The following DIAPH2 variants were observed in gnomAD, a reference collection of about 807,000 sequenced individuals.
The protein encoded by DIAPH2 is protein diaphanous homolog 2.
Under a neutral mutation model 92.7 loss-of-function variants are expected in DIAPH2, and 35 were observed. The ratio of observed to expected loss-of-function variants is 0.38; its 90% CI spans 0.29 to 0.50. DIAPH2 has a LOEUF of 0.50. Ranked by LOEUF, DIAPH2 falls within the 20% of genes least tolerant of loss-of-function variation. The pLI, the probability that DIAPH2 is intolerant of heterozygous loss-of-function variation, is 0.94. For synonymous variants in DIAPH2, 301 were observed against 280.4 expected (o/e 1.07, Z -0.73); for missense variants, 701 against 819.5 (o/e 0.86, Z 1.77).
At chrX:97,248,766 T>C (rs757090097) in intron 23 of DIAPH2, among the ~76,000 whole-genome samples, 4 of 112,096 alleles carry the variant, frequency 3.6e-5, no homozygotes, top group Non-Finnish European at 5.6e-5. Flanking sequence ...CTTTTTCTTC[T>C]GTGATATGCT....
chrX:97,227,329 T>C (rs2067973262), intron 22 of DIAPH2, among the ~76,000 whole-genome samples: 1 of 111,685 alleles, frequency 9.0e-6, no homozygotes, highest in Non-Finnish European at 1.9e-5. Context: ...TATGTGAATA[T>C]TATAAGGATA....
intron 20 of DIAPH2, among the ~76,000 whole-genome samples, chrX:97,112,671 A>T (rs1216733966): frequency 9.3e-6 from 1 of 107,216 alleles, no homozygotes; most frequent in African/African-American, 3.4e-5. Flanking sequence ...TACCTAGCCT[A>T]TAAACCTTTT....
At chrX:96,688,251 A>G (rs1227151352) in intron 1 of DIAPH2, among the ~76,000 whole-genome samples, 1 of 112,856 alleles carries the variant, frequency 8.9e-6, no homozygotes, top group African/African-American at 3.2e-5. Flanking sequence ...TTCTTCAAAC[A>G]GTAAAGTCAA....
At chrX:97,456,592 A>G (rs1480710567) in intron 26 of DIAPH2, among the ~76,000 whole-genome samples, 3 of 111,480 alleles carry the variant, frequency 2.7e-5, no homozygotes, top group African/African-American at 6.5e-5. Flanking sequence ...CTATTTGGCT[A>G]TTGGGACTGT....
At chrX:96,747,206 A>T (rs1301489668) in intron 3 of DIAPH2, among the ~76,000 whole-genome samples, 1 of 111,755 alleles carries the variant, frequency 8.9e-6, no homozygotes, top group Non-Finnish European at 1.9e-5. Flanking sequence ...AAGTAAACCC[A>T]TAGAAATTTC....
intron 4 of DIAPH2, among the ~76,000 whole-genome samples, chrX:96,817,515 G>A (rs994030406): frequency 9.0e-6 from 1 of 111,442 alleles, no homozygotes; most frequent in African/African-American, 3.3e-5. Flanking sequence ...ATATATTGGA[G>A]GCTATTTTCT....
rs185245242 is a variant in DIAPH2, at chrX:97,204,625, G to A, written c.2720-43090G>A. The stretch of plus-strand genomic sequence containing the variant: ...AATACAACTTACAAGGAATGTGAAA[G>A]ACGTCTTCAAGGAGAACTACAAACC... On this transcript the variant is annotated intron_variant, in intron 22 of 26. Coordinates refer to ENST00000324765, the MANE Select transcript of DIAPH2 (RefSeq NM_006729.5). Among the ~76,000 whole-genome samples, 64 of 111,371 alleles carry A rather than the reference G, an allele frequency of 5.7e-4. No individual in the cohort carries two copies. The East Asian group carries it at 0.017, about 30-fold the overall frequency.
At chrX:97,187,574 C>T (rs1473165812) in intron 22 of DIAPH2, among the ~76,000 whole-genome samples, 2 of 109,877 alleles carry the variant, frequency 1.8e-5, no homozygotes, top group Non-Finnish European at 3.8e-5. Context: ...CCATGCCTGG[C>T]CTAAGTACCT....
intron 4 of DIAPH2, among the ~76,000 whole-genome samples, chrX:96,859,607 ATTCTTAT>A (rs1182558588): frequency 2.2e-5 from 2 of 89,175 alleles, no homozygotes; most frequent in Non-Finnish European, 4.4e-5. Context: ...TCAATAATAG[ATTCTTAT>A]TTATTTATTT....
At chrX:97,409,786 G>C (rs1200823379) in intron 25 of DIAPH2, among the ~76,000 whole-genome samples, 1 of 112,451 alleles carries the variant, frequency 8.9e-6, no homozygotes. Flanking sequence ...AGCAGTCTGA[G>C]ATTGACCTGC....
intron 26 of DIAPH2, among the ~76,000 whole-genome samples, chrX:97,488,982 A>C (rs6620290): frequency 0.39 from 43,397 of 110,953 alleles, 6,060 homozygotes; most frequent in East Asian, 0.57. Context: ...TCTCTGAAAA[A>C]TGCCATTGGG....
At chrX:97,118,249 C>G (rs970065082) in intron 21 of DIAPH2, among the ~76,000 whole-genome samples, 2 of 111,798 alleles carry the variant, frequency 1.8e-5, no homozygotes, top group South Asian at 7.5e-4. Context: ...AATGAAAAGT[C>G]TTTTTAGGAT....
At chrX:97,479,251 G>A (rs1253458078) in intron 26 of DIAPH2, among the ~76,000 whole-genome samples, 1 of 109,931 alleles carries the variant, frequency 9.1e-6, no homozygotes, top group Non-Finnish European at 1.9e-5. Context: ...GGTCATCAGA[G>A]AATTACAACA....
chrX:96,906,133 C>CA (rs745503232), intron 5 of DIAPH2, among the ~76,000 whole-genome samples: 9 of 111,034 alleles, frequency 8.1e-5, no homozygotes, highest in South Asian at 3.7e-4. Context: ...TCTCAAAAAA[C>CA]AAAAAAAAGA....
chrX:97,241,434 A>T (rs1033010046), intron 22 of DIAPH2, among the ~76,000 whole-genome samples: 1 of 110,290 alleles, frequency 9.1e-6, no homozygotes, highest in African/African-American at 3.3e-5. Flanking sequence ...AGTAGCTGGG[A>T]CTACAGGTGC....
At chrX:97,012,874 G>A (rs1479842518) in intron 17 of DIAPH2, among the ~76,000 whole-genome samples, 1 of 112,188 alleles carries the variant, frequency 8.9e-6, no homozygotes, top group Non-Finnish European at 1.9e-5. Context: ...GAATGTTATA[G>A]CTAAGAACAG....
At chrX:97,345,304 A>C (rs2069147274) in intron 23 of DIAPH2, among the ~76,000 whole-genome samples, 1 of 111,258 alleles carries the variant, frequency 9.0e-6, no homozygotes. Context: ...TTGTGTTGTT[A>C]ATGTGAATGC....
chrX:97,525,174 A>T (rs945634012), intron 26 of DIAPH2, among the ~76,000 whole-genome samples: 1 of 111,551 alleles, frequency 9.0e-6, no homozygotes, highest in African/African-American at 3.3e-5. Flanking sequence ...TGAATGTGTC[A>T]CCTCTGTGGC....
chrX:97,259,564 C>G (rs1189920090), intron 23 of DIAPH2, among the ~76,000 whole-genome samples: 3 of 111,597 alleles, frequency 2.7e-5, no homozygotes, highest in African/African-American at 9.8e-5. Context: ...GTGATACTTG[C>G]TACCTGCCAA....
Sources: allele counts gnomAD v4.1 joint callset (sites outside exome capture counted in the v4.1 genomes callset), GRCh38; gene constraint gnomAD v4.1.1; transcripts MANE v1.5; gene names NCBI Gene and HGNC (gene_info 2026-07-23, HGNC 2026-07-21).